The following TNFRSF8 variants were observed in gnomAD, a reference collection of about 807,000 sequenced individuals.
TNFRSF8 encodes the protein tumor necrosis factor receptor superfamily member 8.
A neutral mutation model predicts 70.8 loss-of-function variants in TNFRSF8; 26 were observed. The observed-to-expected ratio is 0.37, with a 90% CI of 0.27 to 0.51. The LOEUF (loss-of-function observed/expected upper bound fraction) is 0.51, where lower values mean the gene tolerates loss of function less well. Ranked by LOEUF, TNFRSF8 falls within the 20% of genes least tolerant of loss-of-function variation. The pLI is 0.94. For missense variants in TNFRSF8, 720 were observed against 807.9 expected (o/e 0.89, Z 1.32); for synonymous variants, 356 against 339.2 (o/e 1.05, Z -0.54).
At chr1:12,117,005 G>A (rs1489065713) in intron 8 of TNFRSF8, among the ~76,000 whole-genome samples, 2 of 152,136 alleles carry the variant, frequency 1.3e-5, no homozygotes, top group African/African-American at 4.8e-5. Flanking sequence ...ACTTCAAAAT[G>A]TATTACAATG....
intron 1 of TNFRSF8, among the ~76,000 whole-genome samples, chr1:12,074,365 C>T (rs1475648870): frequency 6.6e-6 from 1 of 151,562 alleles, no homozygotes; most frequent in African/African-American, 2.4e-5. Flanking sequence ...CTGCAACCTC[C>T]GCCTCCCGGC....
chr1:12,120,788 C>T (rs1230581044), intron 8 of TNFRSF8, among the ~76,000 whole-genome samples: 1 of 152,006 alleles, frequency 6.6e-6, no homozygotes, highest in African/African-American at 2.4e-5. Flanking sequence ...ACCTTCAAAT[C>T]CAAAGAGGAG....
chr1:12,100,100 C>T (rs1472177423), intron 3 of TNFRSF8, among the ~76,000 whole-genome samples: 3 of 151,792 alleles, frequency 2.0e-5, no homozygotes, highest in Admixed American at 2.0e-4. Context: ...ACCTGGGAGG[C>T]GGAGGTTGCA....
rs374635082 is a variant in TNFRSF8 at position 12,103,076 on chromosome 1, A to G, written c.269-1303A>G. ...TGTCCATTAAAAAAATTAATAAACT[A>G]TTTCTGGCTGGGTGCAGTGGCTCAC... On this transcript the variant is annotated intron_variant, in intron 3 of 14. Transcript: ENST00000263932. Among the ~76,000 whole-genome samples the G allele has an allele frequency of 2.0e-5, 3 of 151,860 alleles. No individual in the cohort carries two copies. In the South Asian group the frequency reaches 6.3e-4, roughly 32 times the overall value.
chr1:12,099,849 A>T (rs1278143814), intron 3 of TNFRSF8, among the ~76,000 whole-genome samples: 2 of 152,096 alleles, frequency 1.3e-5, no homozygotes, highest in Non-Finnish European at 2.9e-5. Context: ...GTATTTGTGT[A>T]TCTAAACATA....
In TNFRSF8 at chr1:12,123,881, A is replaced by T. The variant is rs570825387; in HGVS notation, c.1153+54A>T. On this transcript the variant is annotated intron_variant, in intron 10 of 14. Transcript: ENST00000263932. ...TCCCAGCAGGGGCTTCCTCCTGGGG[A>T]AGTGTGGATTGGGGGAGCCAGGAGG... The T allele has an allele frequency of 6.9e-6, 10 of 1,458,130 alleles. No homozygotes were observed. In the South Asian group the frequency reaches 9.8e-5, roughly 14 times the overall value. The allele number at this position is 1,458,130 out of a possible 1,614,324, so 90.3% of individuals were successfully genotyped here. A position where few individuals can be genotyped will look rare whatever the true frequency, so the allele number is the denominator to read the frequency against.
intron 3 of TNFRSF8, among the ~76,000 whole-genome samples, chr1:12,099,536 G>A (rs532477089): frequency 3.0e-4 from 46 of 152,156 alleles, no homozygotes; most frequent in Non-Finnish European, 5.0e-4. Context: ...TCCTGCCTCA[G>A]CCTCCCGAGT....
At chr1:12,064,890 G>A (rs555458084) in intron 1 of TNFRSF8, among the ~76,000 whole-genome samples, 10 of 152,184 alleles carry the variant, frequency 6.6e-5, no homozygotes, top group African/African-American at 2.2e-4. Flanking sequence ...GGAGATGAAG[G>A]GAAGGAAGAG....
At chr1:12,114,008 G>C (rs750992975) in intron 7 of TNFRSF8, among the ~76,000 whole-genome samples, 2 of 152,184 alleles carry the variant, frequency 1.3e-5, no homozygotes, top group Non-Finnish European at 2.9e-5. Context: ...CCACCATGTG[G>C]ACATATGGAG....
chr1:12,123,696 C>T lies in TNFRSF8; in HGVS notation c.1041-19C>T, dbSNP rs1206971772. The T allele has an allele frequency of 2.6e-6, 4 of 1,545,794 alleles. No individual in the cohort carries two copies. The Admixed American group carries it at 5.9e-5, about 23-fold the overall frequency. The stretch of plus-strand genomic sequence containing the variant: ...CTCTTCCCATCTTCATCACTCCTGC[C>T]TTGGGCTTCTCCCCGCAGCACCAGC... On this transcript the variant is annotated intron_variant, in intron 9 of 14. Transcript: ENST00000263932.
intron 2 of TNFRSF8, among the ~76,000 whole-genome samples, chr1:12,096,795 A>C (rs1292477476): frequency 6.6e-6 from 1 of 152,154 alleles, no homozygotes; most frequent in Non-Finnish European, 1.5e-5. Context: ...ACCCTCACAC[A>C]CACACACACA....
Position 12,063,796 on chromosome 1 carries a change from C to A in TNFRSF8, c.63+135C>A. 1.2e-6 allele frequency: 1 copy of A among 832,126 alleles called. No homozygotes were observed. Among genetic ancestry groups the A allele is most frequent in the Non-Finnish European group, 1.6e-6 (1 of 620,828 alleles). 51.5% of individuals were successfully genotyped at this position (832,126 alleles called of 1,614,324 possible). A position where few individuals can be genotyped will look rare whatever the true frequency, so the allele number is the denominator to read the frequency against. On this transcript the variant is annotated intron_variant, in intron 1 of 14. Transcript: ENST00000263932. The surrounding 1 kb of genome is among the most constrained non-coding windows in gnomAD (Gnocchi z 7.2). ...GGAGTGAGGGGGCGCGGGTGACAAG[C>A]AGGAACACCGGAATATGCTAGCACC... is the stretch of plus-strand genomic sequence containing the variant.
chr1:12,090,471 T>C (rs1201591107), intron 2 of TNFRSF8, among the ~76,000 whole-genome samples: 2 of 142,994 alleles, frequency 1.4e-5, no homozygotes, highest in Admixed American at 1.4e-4. Flanking sequence ...CACCCACTCA[T>C]CCATCCACGT....
chr1:12,118,503 A>G (rs958509452), intron 8 of TNFRSF8, among the ~76,000 whole-genome samples: 2 of 152,244 alleles, frequency 1.3e-5, no homozygotes, highest in African/African-American at 4.8e-5. Context: ...GAAACCAGAA[A>G]TTCTTACCAC....
At chr1:12,082,597 C>A (rs1641085717) in intron 1 of TNFRSF8, among the ~76,000 whole-genome samples, 1 of 150,808 alleles carries the variant, frequency 6.6e-6, no homozygotes, top group Non-Finnish European at 1.5e-5. Flanking sequence ...CCACAAAAAC[C>A]CACAAAACAA....
intron 1 of TNFRSF8, among the ~76,000 whole-genome samples, chr1:12,064,894 G>A (rs1171570103): frequency 6.6e-6 from 1 of 152,068 alleles, no homozygotes; most frequent in Admixed American, 6.6e-5. Context: ...ATGAAGGGAA[G>A]GAAGAGATGT....
intron 1 of TNFRSF8, among the ~76,000 whole-genome samples, chr1:12,067,313 T>G (rs1483051067): frequency 6.6e-6 from 1 of 152,190 alleles, no homozygotes; most frequent in African/African-American, 2.4e-5. Flanking sequence ...CCCACATCCA[T>G]GTACCCCCAA....
At chr1:12,071,876 T>C (rs1640853466) in intron 1 of TNFRSF8, among the ~76,000 whole-genome samples, 1 of 152,136 alleles carries the variant, frequency 6.6e-6, no homozygotes, top group African/African-American at 2.4e-5. Flanking sequence ...TTTGTATTTT[T>C]AGTAGAGATG....
intron 3 of TNFRSF8, among the ~76,000 whole-genome samples, chr1:12,100,190 G>A (rs1397703792): frequency 6.6e-6 from 1 of 151,734 alleles, no homozygotes; most frequent in African/African-American, 2.4e-5. Context: ...TGATATGAAA[G>A]ATAAAAAAAA....
Sources: gnomAD v4.1 joint callset for allele counts (sites outside exome capture counted in the v4.1 genomes callset) on GRCh38, gnomAD v4.1.1 for gene constraint, Gnocchi (gnomAD v3.1) non-coding constraint, MANE v1.5 for transcripts, NCBI Gene and HGNC (gene_info 2026-07-23, HGNC 2026-07-21) for gene names.